CREM: variants seen among roughly 807,000 people sequenced by gnomAD.
CREM encodes the protein cAMP responsive element modulator, also known as cAMP-responsive element modulator.
A neutral mutation model predicts 37.3 loss-of-function variants in CREM; 13 were observed. That is an observed-to-expected ratio of 0.35 (90% CI 0.23 to 0.55). The LOEUF (loss-of-function observed/expected upper bound fraction) is 0.55. Among genes scored for constraint, CREM ranks in the 20% least tolerant of loss-of-function variants. The probability of loss-of-function intolerance (pLI) is 0.88; values close to 1 mark genes in which losing one functional copy is unlikely to be tolerated. For missense variants in CREM, 296 were observed against 362.3 expected, an observed-to-expected ratio of 0.82 and a Z score of 1.49; for synonymous variants, 124 against 120.2, an observed-to-expected ratio of 1.03 and a Z score of -0.21.
chr10:35,178,985 A>G lies in CREM; in HGVS notation c.265A>G (p.Arg89Gly), dbSNP rs188189426. The G allele has an allele frequency of 9.4e-6, 15 of 1,599,606 alleles. No homozygotes were observed. Among genetic ancestry groups the G allele is most frequent in the Non-Finnish European group, 6.0e-6 (7 of 1,174,636 alleles). ...REILSRRPSY[R>G]KILNELSSDV... Reference sequence around the variant, plus strand: ...AATCCTTTCACGAAGACCCTCTTATAGGTAAGTTAACCAAGTTTCCTAATG... The same window carrying G: ...AATCCTTTCACGAAGACCCTCTTATGGGTAAGTTAACCAAGTTTCCTAATG... Residue 89 changes from arginine (R) to glycine (G), a missense_variant and splice_region_variant, in exon 4 of 8, where the codon AGG (arginine) becomes GGG (glycine). Coordinates refer to ENST00000685392, the MANE Select transcript of CREM (RefSeq NM_183011.2).
At chr10:35,162,454 C>A (rs2093344929) in intron 3 of CREM, among the ~76,000 whole-genome samples, 1 of 152,066 alleles carries the variant, frequency 6.6e-6, no homozygotes, top group African/African-American at 2.4e-5. Context: ...TGAGGTAATG[C>A]TATTATTAAT....
At chr10:35,145,160 CAAAAAAAAAAA>C (rs34802396) in intron 2 of CREM, among the ~76,000 whole-genome samples, 1 of 67,854 alleles carries the variant, frequency 1.5e-5, no homozygotes, top group African/African-American at 5.4e-5. Flanking sequence ...GACACTGTCT[CAAAAAAAAAAA>C]AAAAAAAAAG....
At chr10:35,176,710 G>A (rs1444871127) in intron 3 of CREM, among the ~76,000 whole-genome samples, 1 of 152,136 alleles carries the variant, frequency 6.6e-6, no homozygotes, top group Non-Finnish European at 1.5e-5. Context: ...CGCCCAGCCA[G>A]TGCTGATGCT....
At position 35,148,403 on chromosome 10, in the gene CREM, A is replaced by G. The variant is rs780803968; in HGVS notation, c.80A>G (p.Asp27Gly). ...ATGGAAACAGTTGAATCCCAGCATGATGGAAGTATAACAGCTTCTTTGACA... is the reference window on the plus strand; with the variant it reads ...ATGGAAACAGTTGAATCCCAGCATGGTGGAAGTATAACAGCTTCTTTGACA... The part of the protein sequence containing the change: ...MTMETVESQH[D>G]GSITASLTES... The change falls in exon 3 of 8, where the codon GAT becomes GGT. Residue 27 changes from aspartate (D) to glycine (G), a missense_variant. Physicochemically the swap from Asp to Gly is moderately conservative, Grantham distance 94. This residue lies in a region of CREM where 257 missense variants were observed against 280.2 expected (regional missense o/e 0.92). Coordinates refer to ENST00000685392, the MANE Select transcript of CREM (RefSeq NM_183011.2). 47 of 1,613,304 alleles carry G rather than the reference A, an allele frequency of 2.9e-5. No individual in the cohort carries two copies. The Middle Eastern group carries it at 2.1e-3, about 74-fold the overall frequency.
At chr10:35,136,893 C>T (rs925536998) in intron 1 of CREM, among the ~76,000 whole-genome samples, 3 of 151,130 alleles carry the variant, frequency 2.0e-5, no homozygotes, top group African/African-American at 7.3e-5. Context: ...CAAACATGGC[C>T]CATTGCAGCC....
At chr10:35,189,154 C>T (rs1273461510) in intron 6 of CREM, among the ~76,000 whole-genome samples, 1 of 151,540 alleles carries the variant, frequency 6.6e-6, no homozygotes, top group Non-Finnish European at 1.5e-5. Context: ...CATTTCAAAA[C>T]AAATGCTGAC....
chr10:35,151,981 TA>T (rs2092628786), intron 3 of CREM, among the ~76,000 whole-genome samples: 3 of 152,234 alleles, frequency 2.0e-5, no homozygotes, highest in African/African-American at 7.2e-5. Flanking sequence ...TGAACTCTAT[TA>T]ACCCTATGAT....
At chr10:35,204,773 C>T (rs147816031) in intron 6 of CREM, among the ~76,000 whole-genome samples, 2 of 152,266 alleles carry the variant, frequency 1.3e-5, no homozygotes, top group East Asian at 1.9e-4. Context: ...ACCTAATTCT[C>T]AAGCCTTAGA....
In CREM at chr10:35,174,766, A is replaced by G. The variant is rs1286456318; in HGVS notation, c.169-4123A>G. 3.9e-5 allele frequency among the ~76,000 whole-genome samples: 6 copies of G among 152,334 alleles called. No homozygotes were observed. The East Asian group carries it at 9.6e-4, about 24-fold the overall frequency. On this transcript the variant is annotated intron_variant, in intron 3 of 7. Coordinates refer to ENST00000685392, the MANE Select transcript of CREM (RefSeq NM_183011.2). ...AGCCTATAGGACAGAGTTGTTTACT[A>G]ATTAGAAAACCTGGCAGGTTTTGAG...
At chr10:35,194,097 C>CAAAAAAAAAAAAAAAAAAAAAAAAAA (rs371978117) in intron 6 of CREM, among the ~76,000 whole-genome samples, 9 of 25,062 alleles carry the variant, frequency 3.6e-4, no homozygotes, top group Non-Finnish European at 5.4e-4. Flanking sequence ...GACTTCATCT[C>CAAAAAAAAAAAAAAAAAAAAAAAAAA]AAAAAAAAAA....
intron 6 of CREM, chr10:35,195,327 G>A: frequency 1.6e-6 from 2 of 1,225,386 alleles, no homozygotes; most frequent in South Asian, 2.7e-5. Flanking sequence ...AGTCACTTAG[G>A]TGTAAGACTT....
chr10:35,169,729 T>C (rs1332215594), intron 3 of CREM, among the ~76,000 whole-genome samples: 1 of 152,158 alleles, frequency 6.6e-6, no homozygotes, highest in Non-Finnish European at 1.5e-5. Flanking sequence ...GGCTGTGGGT[T>C]TGTCATAAAT....
At chr10:35,146,934 A>G (rs977206636) in intron 2 of CREM, among the ~76,000 whole-genome samples, 4 of 151,714 alleles carry the variant, frequency 2.6e-5, no homozygotes, top group Admixed American at 6.6e-5. Flanking sequence ...TAAGTGGTCT[A>G]TATACTTTTT....
intron 3 of CREM, chr10:35,171,200 C>A: frequency 9.0e-6 from 1 of 110,704 alleles, no homozygotes; most frequent in Non-Finnish European, 1.7e-5. Flanking sequence ...AAGGCACAGT[C>A]TCGCTCTGTC....
chr10:35,175,953 C>A, intron 3 of CREM: 1 of 1,551,394 alleles, frequency 6.4e-7, no homozygotes, highest in Non-Finnish European at 8.7e-7. Context: ...GTAATTCAGA[C>A]ACCACAGCCA....
chr10:35,158,391 T>A, intron 3 of CREM: 1 of 270,408 alleles, frequency 3.7e-6, no homozygotes, highest in South Asian at 3.5e-5. Context: ...CACAGGCAGA[T>A]GAACCGGGGG....
intron 6 of CREM, among the ~76,000 whole-genome samples, chr10:35,199,761 G>C (rs1032046715): frequency 6.6e-6 from 1 of 152,038 alleles, no homozygotes; most frequent in Non-Finnish European, 1.5e-5. Context: ...ATATTAATGT[G>C]ACTCCTCAAA....
chr10:35,187,643 G>A (rs1449936503), intron 5 of CREM, among the ~76,000 whole-genome samples: 1 of 152,006 alleles, frequency 6.6e-6, no homozygotes, highest in Non-Finnish European at 1.5e-5. Context: ...CATTTTAATT[G>A]CAATATTAAA....
At chr10:35,149,175 A>G (rs1564817961) in intron 3 of CREM, among the ~76,000 whole-genome samples, 1 of 152,156 alleles carries the variant, frequency 6.6e-6, no homozygotes, top group Non-Finnish European at 1.5e-5. Flanking sequence ...AATAAGGCCT[A>G]CAGAAGAGGG....
Sources: gnomAD v4.1 joint callset for allele counts (sites outside exome capture counted in the v4.1 genomes callset) on GRCh38, gnomAD v4.1.1 for gene constraint, gnomAD v4.1.1 regional missense constraint, MANE v1.5 for transcripts, NCBI Gene and HGNC (gene_info 2026-07-23, HGNC 2026-07-21) for gene names.